DPYD: variants seen among roughly 807,000 people sequenced by gnomAD.
The protein encoded by DPYD is dihydropyrimidine dehydrogenase, also known as dihydropyrimidine dehydrogenase [NADP(+)].
In DPYD, 109 loss-of-function variants were observed where a neutral mutation model predicts 116.2. That is an observed-to-expected ratio of 0.94 (90% CI 0.80 to 1.10). The LOEUF is 1.10. Ranked by LOEUF, DPYD falls within the 50% of genes least tolerant of loss-of-function variation. DPYD has a pLI of 0.00. For synonymous variants in DPYD, 440 were observed against 432.0 expected (o/e 1.02, Z -0.23); for missense variants, 1,302 against 1,254.5 (o/e 1.04, Z -0.57).
chr1:97,745,881 T>C (rs1029048524), intron 3 of DPYD, among the ~76,000 whole-genome samples: 1 of 151,952 alleles, frequency 6.6e-6, no homozygotes, highest in East Asian at 1.9e-4. Context: ...AGTGACCCCA[T>C]CTCTTGATGA....
intron 13 of DPYD, among the ~76,000 whole-genome samples, chr1:97,507,279 AG>A (rs1647410787): frequency 6.6e-6 from 1 of 152,036 alleles, no homozygotes; most frequent in Admixed American, 6.6e-5. Context: ...GCATGTTAAA[AG>A]TCTCCCAGAT....
At chr1:97,809,195 T>C (rs1318342876) in intron 3 of DPYD, among the ~76,000 whole-genome samples, 2 of 152,218 alleles carry the variant, frequency 1.3e-5, no homozygotes, top group Non-Finnish European at 2.9e-5. Context: ...ACAGTCTTTA[T>C]GGATACCAGT....
At chr1:97,450,324 T>A in intron 13 of DPYD, 101 bp from the exon 14 acceptor site, 2 of 1,315,060 alleles carry the variant, frequency 1.5e-6, no homozygotes, top group Non-Finnish European at 2.1e-6. Flanking sequence ...TGAGGTCCCT[T>A]CTCACATTTT....
intron 13 of DPYD, among the ~76,000 whole-genome samples, chr1:97,469,285 A>C (rs1311602555): frequency 6.6e-6 from 1 of 151,862 alleles, no homozygotes; most frequent in Admixed American, 6.6e-5. Flanking sequence ...AAGTGCAATA[A>C]AACCTCATGG....
intron 12 of DPYD, among the ~76,000 whole-genome samples, chr1:97,541,414 T>C (rs966037404): frequency 3.3e-5 from 5 of 152,068 alleles, no homozygotes; most frequent in African/African-American, 1.2e-4. Context: ...AGGACAAACA[T>C]AAAAATCTGG....
At chr1:97,619,589 AC>A (rs1188274952) in intron 8 of DPYD, among the ~76,000 whole-genome samples, 1 of 152,190 alleles carries the variant, frequency 6.6e-6, no homozygotes, top group African/African-American at 2.4e-5. Flanking sequence ...AACACCGGTT[AC>A]AAAGTTAATG....
intron 14 of DPYD, among the ~76,000 whole-genome samples, chr1:97,416,140 T>C (rs1674278212): frequency 1.3e-5 from 2 of 152,286 alleles, no homozygotes; most frequent in South Asian, 4.2e-4. Flanking sequence ...ATTAAATTGC[T>C]TTTTGTCAAG....
intron 20 of DPYD, among the ~76,000 whole-genome samples, chr1:97,124,783 T>G (rs1273702826): frequency 6.6e-6 from 1 of 152,182 alleles, no homozygotes. Flanking sequence ...ATAGTTTATC[T>G]GATCTCCTCA....
intron 2 of DPYD, among the ~76,000 whole-genome samples, chr1:97,875,437 G>C (rs1671862226): frequency 6.6e-6 from 1 of 151,920 alleles, no homozygotes; most frequent in African/African-American, 2.4e-5. Context: ...GCATAATTGA[G>C]ATTTTCCACT....
intron 19 of DPYD, among the ~76,000 whole-genome samples, chr1:97,208,074 G>C (rs1659769126): frequency 6.6e-6 from 1 of 152,094 alleles, no homozygotes; most frequent in South Asian, 2.1e-4. Context: ...TCTGTTTGCT[G>C]GGAATGTAGC....
intron 12 of DPYD, among the ~76,000 whole-genome samples, chr1:97,532,848 T>G (rs1221874118): frequency 6.6e-6 from 1 of 151,950 alleles, no homozygotes; most frequent in Non-Finnish European, 1.5e-5. Context: ...TTTATTCATT[T>G]TATCATTTAT....
intron 20 of DPYD, among the ~76,000 whole-genome samples, chr1:97,110,720 A>G (rs1651528851): frequency 6.6e-6 from 1 of 152,084 alleles, no homozygotes; most frequent in African/African-American, 2.4e-5. Flanking sequence ...CCTTTTCAGG[A>G]ATTTGTCCTC....
chr1:97,674,938 A>G (rs1660060662), intron 8 of DPYD, among the ~76,000 whole-genome samples: 1 of 152,204 alleles, frequency 6.6e-6, no homozygotes, highest in Non-Finnish European at 1.5e-5. Context: ...TGTTTAGTCC[A>G]TCAGAGCCCT....
chr1:97,299,368 T>G (rs1435139245), intron 18 of DPYD, among the ~76,000 whole-genome samples: 7 of 152,194 alleles, frequency 4.6e-5, no homozygotes, highest in Admixed American at 4.6e-4. Context: ...CAGAGTTCTT[T>G]GGTTTACAAA....
At chr1:97,733,460 G>C (rs1189375997) in intron 4 of DPYD, among the ~76,000 whole-genome samples, 3 of 151,820 alleles carry the variant, frequency 2.0e-5, no homozygotes, top group Admixed American at 2.0e-4. Flanking sequence ...TCTAAAAGTA[G>C]TGTCATACTA....
rs1036554250 is a variant in DPYD, at chr1:97,078,885, T to G, written c.*91A>C. On this transcript the variant is annotated 3_prime_UTR_variant, in exon 23 of 23. Coordinates refer to ENST00000370192, the MANE Select transcript of DPYD (RefSeq NM_000110.4). Reference sequence around the variant, plus strand: ...TTAGAAAATGTATATTTGTTTTAATTTGGAAAGAGCTGAACACAAGGATCA... The same window carrying G: ...TTAGAAAATGTATATTTGTTTTAATGTGGAAAGAGCTGAACACAAGGATCA... 9.8e-6 allele frequency: 14 copies of G among 1,425,696 alleles called. No homozygotes were observed. Among genetic ancestry groups the G allele is most frequent in the Non-Finnish European group, 1.3e-5 (13 of 1,011,858 alleles). The allele number at this position is 1,425,696 out of a possible 1,614,324, so 88.3% of individuals were successfully genotyped here.
intron 15 of DPYD, among the ~76,000 whole-genome samples, chr1:97,378,077 C>G (rs1477038421): frequency 1.3e-5 from 2 of 152,208 alleles, no homozygotes; most frequent in African/African-American, 4.8e-5. Flanking sequence ...ATGCTATCCT[C>G]TAGTCTCAAC....
At chr1:97,658,495 A>C (rs1659069552) in intron 8 of DPYD, among the ~76,000 whole-genome samples, 1 of 152,204 alleles carries the variant, frequency 6.6e-6, no homozygotes, top group African/African-American at 2.4e-5. Flanking sequence ...TAATTCGAAC[A>C]GCTTCTTACT....
chr1:97,561,280 G>A (rs933565609), intron 11 of DPYD, among the ~76,000 whole-genome samples: 6 of 147,910 alleles, frequency 4.1e-5, no homozygotes, highest in African/African-American at 1.5e-4. Flanking sequence ...CAGAAGGAGG[G>A]CTGGCTGGCC....
Sources: gnomAD v4.1 joint callset for allele counts (sites outside exome capture counted in the v4.1 genomes callset) on GRCh38, gnomAD v4.1.1 for gene constraint, MANE v1.5 for transcripts, NCBI Gene and HGNC (gene_info 2026-07-23, HGNC 2026-07-21) for gene names.